Variants in PCLO observed in about 807,000 individuals in gnomAD.
PCLO encodes the protein piccolo presynaptic cytomatrix protein, also known as protein piccolo.
In PCLO, 82 loss-of-function variants were observed where a neutral mutation model predicts 427.5. The observed-to-expected ratio is 0.19, with a 90% CI of 0.16 to 0.23. The LOEUF is 0.23. Ranked by LOEUF, PCLO falls within the 10% of genes least tolerant of loss-of-function variation. PCLO has a pLI of 1.00. For synonymous variants in PCLO, 2,357 were observed against 2,155.4 expected, an observed-to-expected ratio of 1.09 and a Z score of -2.59; for missense variants, 6,239 against 6,115.9, an observed-to-expected ratio of 1.02 and a Z score of -0.67.
At chr7:83,047,142 A>C (rs1050017032) in intron 3 of PCLO, among the ~76,000 whole-genome samples, 3 of 152,068 alleles carry the variant, frequency 2.0e-5, no homozygotes, top group Admixed American at 6.6e-5. Context: ...CTTATTACAT[A>C]AATCAAATTT....
At chr7:83,063,866 A>T (rs1789599417) in intron 3 of PCLO, among the ~76,000 whole-genome samples, 1 of 152,210 alleles carries the variant, frequency 6.6e-6, no homozygotes, top group Admixed American at 6.5e-5. Context: ...CTCTCATTAA[A>T]AGTTCTTAAA....
chr7:82,761,533 C>A (rs759943682), intron 22 of PCLO, 40 bp from the exon 23 acceptor site: 1 of 1,463,934 alleles, frequency 6.8e-7, no homozygotes, highest in Non-Finnish European at 9.4e-7. Context: ...GTATGTAATG[C>A]CATATATGAA....
intron 13 of PCLO, among the ~76,000 whole-genome samples, chr7:82,842,548 C>A (rs961858252): frequency 6.6e-6 from 1 of 152,006 alleles, no homozygotes; most frequent in Non-Finnish European, 1.5e-5. Flanking sequence ...AATAGAAGTA[C>A]AACAAACTAA....
At chr7:82,944,837 G>T (rs1795165143) in intron 6 of PCLO, among the ~76,000 whole-genome samples, 1 of 152,160 alleles carries the variant, frequency 6.6e-6, no homozygotes, top group Admixed American at 6.5e-5. Context: ...TTGGTGATGG[G>T]AAGGTAATAA....
intron 3 of PCLO, among the ~76,000 whole-genome samples, chr7:83,075,008 T>A (rs1488930767): frequency 6.6e-6 from 1 of 152,074 alleles, no homozygotes; most frequent in Non-Finnish European, 1.5e-5. Flanking sequence ...AAGGATAAAA[T>A]CAATCCAATA....
intron 3 of PCLO, among the ~76,000 whole-genome samples, chr7:83,048,997 T>C (rs1158318382): frequency 6.6e-6 from 1 of 152,150 alleles, no homozygotes; most frequent in Non-Finnish European, 1.5e-5. Context: ...AACAGATTGC[T>C]TAGTCATGGT....
intron 22 of PCLO, among the ~76,000 whole-genome samples, chr7:82,793,453 C>T (rs569740975): frequency 2.0e-5 from 3 of 152,260 alleles, no homozygotes; most frequent in Admixed American, 2.0e-4. Context: ...TCTGCTAGTG[C>T]TTGGTCACAG....
At chr7:82,788,277 AAT>A (rs935693701) in intron 22 of PCLO, among the ~76,000 whole-genome samples, 5 of 147,896 alleles carry the variant, frequency 3.4e-5, no homozygotes, top group Non-Finnish European at 4.5e-5. Context: ...ATATAAATTT[AAT>A]ATATATAATT....
chr7:82,781,128 A>G (rs1173496749), intron 22 of PCLO, among the ~76,000 whole-genome samples: 7 of 151,990 alleles, frequency 4.6e-5, no homozygotes, highest in Non-Finnish European at 1.0e-4. Flanking sequence ...TTAATAAAAA[A>G]TCAATAGATT....
intron 3 of PCLO, among the ~76,000 whole-genome samples, chr7:82,975,594 G>A (rs892807062): frequency 6.6e-6 from 1 of 152,270 alleles, no homozygotes; most frequent in Non-Finnish European, 1.5e-5. Context: ...TCAGTATATC[G>A]ATTCTGCAGG....
chr7:82,982,127 T>G (rs532188949), intron 3 of PCLO, among the ~76,000 whole-genome samples: 1 of 152,254 alleles, frequency 6.6e-6, no homozygotes, highest in African/African-American at 2.4e-5. Flanking sequence ...ATTAATTCAT[T>G]ATTCCACATA....
At chr7:83,045,318 T>G (rs184153254) in intron 3 of PCLO, among the ~76,000 whole-genome samples, 3 of 152,086 alleles carry the variant, frequency 2.0e-5, no homozygotes, top group Non-Finnish European at 4.4e-5. Context: ...GAGAGATTCG[T>G]TTTTCCACGA....
chr7:83,123,409 A>G (rs1436390570), intron 3 of PCLO, among the ~76,000 whole-genome samples: 1 of 152,186 alleles, frequency 6.6e-6, no homozygotes, highest in Non-Finnish European at 1.5e-5. Flanking sequence ...GTCCTGGGAA[A>G]ATTGCATATC....
At chr7:83,011,075 A>T (rs145928825) in intron 3 of PCLO, among the ~76,000 whole-genome samples, 2 of 151,976 alleles carry the variant, frequency 1.3e-5, no homozygotes, top group Non-Finnish European at 2.9e-5. Flanking sequence ...TTGGCCTTTA[A>T]TCTTTGTTAA....
In PCLO at chr7:82,754,508, A is replaced by G. The variant is rs976204085; in HGVS notation, c.*4067T>C. On this transcript the variant is annotated 3_prime_UTR_variant, in exon 25 of 25. Transcript: ENST00000333891. ...CAAACAAATATACAGACACAATCAA[A>G]CAATAATCATATTCACATGCTAAAT... is the stretch of plus-strand genomic sequence containing the variant. 29 of 152,138 alleles carry G rather than the reference A, an allele frequency of 1.9e-4. No homozygotes were observed. Among genetic ancestry groups the G allele is most frequent in the African/African-American group, 6.5e-4 (27 of 41,462 alleles). The allele number at this position is 152,138 out of a possible 1,614,324, so 9.4% of individuals were successfully genotyped here.
intron 16 of PCLO, among the ~76,000 whole-genome samples, chr7:82,832,277 T>C (rs1459770529): frequency 6.6e-6 from 1 of 152,120 alleles, no homozygotes; most frequent in Non-Finnish European, 1.5e-5. Context: ...TTTTTTGAGA[T>C]GGAGTCTTGC....
At chr7:83,076,759 A>C (rs925198074) in intron 3 of PCLO, among the ~76,000 whole-genome samples, 7 of 151,300 alleles carry the variant, frequency 4.6e-5, no homozygotes, top group East Asian at 1.9e-4. Context: ...AAATCTCTCT[A>C]ATCTTTCTAA....
chr7:82,968,660 C>T (rs1795834444), intron 3 of PCLO, among the ~76,000 whole-genome samples: 1 of 151,336 alleles, frequency 6.6e-6, no homozygotes, highest in Non-Finnish European at 1.5e-5. Flanking sequence ...GCTGGGATTA[C>T]AGGTACACGC....
intron 9 of PCLO, among the ~76,000 whole-genome samples, chr7:82,899,418 G>GC (rs1397866325): frequency 6.6e-6 from 1 of 151,418 alleles, no homozygotes; most frequent in African/African-American, 2.4e-5. Context: ...CTCATATGTA[G>GC]ATGTATTTAC....
Sources: gnomAD v4.1 joint callset for allele counts (sites outside exome capture counted in the v4.1 genomes callset) on GRCh38, gnomAD v4.1.1 for gene constraint, MANE v1.5 for transcripts, NCBI Gene and HGNC (gene_info 2026-07-23, HGNC 2026-07-21) for gene names.